Variants in IQCM observed in about 807,000 individuals in gnomAD.
The protein encoded by IQCM is IQ motif containing M.
A neutral mutation model predicts 57.6 loss-of-function variants in IQCM; 45 were observed. The observed-to-expected ratio is 0.78, with a 90% CI of 0.62 to 1.00. The LOEUF (loss-of-function observed/expected upper bound fraction) is 1.00, where lower values mean the gene tolerates loss of function less well. Among genes scored for constraint, IQCM ranks in the 50% least tolerant of loss-of-function variants. IQCM has a pLI of 0.00. For missense variants in IQCM, 468 were observed against 511.6 expected (o/e 0.91, Z 0.82); for synonymous variants, 148 against 158.9 (o/e 0.93, Z 0.51).
At chr4:149,487,210 G>T (rs1463917428) in intron 12 of IQCM, among the ~76,000 whole-genome samples, 1 of 152,072 alleles carries the variant, frequency 6.6e-6, no homozygotes, top group African/African-American at 2.4e-5. Context: ...TCCAGGGTGT[G>T]GCTAGAAATG....
At chr4:149,595,988 T>C (rs879646926) in intron 8 of IQCM, among the ~76,000 whole-genome samples, 1 of 152,166 alleles carries the variant, frequency 6.6e-6, no homozygotes, top group Admixed American at 6.6e-5. Context: ...TAGGAAAGAC[T>C]GGAGAAGATG....
intron 7 of IQCM, 47 bp downstream of exon 7, chr4:149,682,071 T>C: frequency 1.4e-6 from 1 of 725,514 alleles, no homozygotes; most frequent in Non-Finnish European, 1.9e-6. Context: ...GAATGCAAAA[T>C]AATGAAAATC....
chr4:149,660,279 G>T (rs1039225055), intron 7 of IQCM, among the ~76,000 whole-genome samples: 44 of 152,074 alleles, frequency 2.9e-4, no homozygotes, highest in Non-Finnish European at 4.9e-4. Context: ...AAACCACAAT[G>T]AGATACCACC....
At chr4:149,590,954 C>T (rs905766467) in intron 8 of IQCM, among the ~76,000 whole-genome samples, 7 of 151,958 alleles carry the variant, frequency 4.6e-5, no homozygotes, top group African/African-American at 1.4e-4. Context: ...TATCATCCTT[C>T]TTTAAAAACC....
intron 12 of IQCM, among the ~76,000 whole-genome samples, chr4:149,503,975 T>C (rs946447688): frequency 6.6e-6 from 1 of 152,008 alleles, no homozygotes; most frequent in African/African-American, 2.4e-5. Flanking sequence ...TTAAACAAAT[T>C]AGCAAATCAC....
chr4:149,762,227 A>T, intron 2 of IQCM, among the ~76,000 whole-genome samples: 1 of 151,608 alleles, frequency 6.6e-6, no homozygotes, highest in East Asian at 1.9e-4. Context: ...AGGCATGCTC[A>T]GTGATGAAAA....
chr4:149,412,328 A>G (rs2111179298), intron 13 of IQCM, among the ~76,000 whole-genome samples: 1 of 152,254 alleles, frequency 6.6e-6, no homozygotes, highest in South Asian at 2.1e-4. Flanking sequence ...TACTTAAATT[A>G]TAATATCTTT....
chr4:149,429,191 C>T (rs1734652118), intron 13 of IQCM, among the ~76,000 whole-genome samples: 1 of 151,696 alleles, frequency 6.6e-6, no homozygotes, highest in African/African-American at 2.4e-5. Context: ...AGGAGAGAAA[C>T]AAGTTGAGCA....
At chr4:149,513,101 T>C (rs1448585328) in intron 12 of IQCM, among the ~76,000 whole-genome samples, 3 of 152,160 alleles carry the variant, frequency 2.0e-5, no homozygotes, top group African/African-American at 7.2e-5. Flanking sequence ...AGAAAGAAAA[T>C]CTAGTCTCTT....
chr4:149,522,936 A>G (rs924990963), intron 12 of IQCM, among the ~76,000 whole-genome samples: 6 of 152,200 alleles, frequency 3.9e-5, no homozygotes, highest in Non-Finnish European at 5.9e-5. Flanking sequence ...ACTGAAAACT[A>G]TGATATCTTA....
intron 8 of IQCM, among the ~76,000 whole-genome samples, chr4:149,601,801 G>A (rs769947287): frequency 1.3e-5 from 2 of 152,064 alleles, no homozygotes; most frequent in Non-Finnish European, 2.9e-5. Flanking sequence ...GCTCATGCCT[G>A]TAATCCCAGC....
intron 7 of IQCM, among the ~76,000 whole-genome samples, chr4:149,654,234 C>T (rs1759440360): frequency 6.6e-6 from 1 of 152,110 alleles, no homozygotes; most frequent in Non-Finnish European, 1.5e-5. Flanking sequence ...TAAATATCTA[C>T]TGTATGATAT....
chr4:149,659,773 G>C (rs956898448), intron 7 of IQCM, among the ~76,000 whole-genome samples: 1 of 151,898 alleles, frequency 6.6e-6, no homozygotes, highest in African/African-American at 2.4e-5. Flanking sequence ...AAACTGGCTA[G>C]CCATATGTAG....
chr4:149,613,766 G>T (rs974999394), intron 8 of IQCM, among the ~76,000 whole-genome samples: 2 of 151,822 alleles, frequency 1.3e-5, no homozygotes, highest in African/African-American at 4.8e-5. Context: ...TTCCCTTCCC[G>T]TGTCCATGTG....
In IQCM at chr4:149,369,032, A is replaced by ACACG. The variant is rs369991334; in HGVS notation, c.1391-16967_1391-16966insCGTG. ...TACACGTGTATATATATATATATAC[A>ACACG]TGTGTATATATATATATGTATTTTT... On this transcript the variant is annotated intron_variant, in intron 13 of 13. Transcript: ENST00000636793. 3.0e-4 allele frequency among the ~76,000 whole-genome samples: 19 copies of ACACG among 63,072 alleles called. 3 individuals are homozygous for ACACG. The highest frequency in any genetic ancestry group is 4.5e-4 in the Non-Finnish European group (13 of 28,914). 41.4% of individuals were successfully genotyped at this position (63,072 alleles called of 152,430 possible).
At chr4:149,380,806 T>C (rs1041456205) in intron 13 of IQCM, among the ~76,000 whole-genome samples, 1 of 152,196 alleles carries the variant, frequency 6.6e-6, no homozygotes, top group Non-Finnish European at 1.5e-5. Flanking sequence ...TCAATTCCCA[T>C]GCAGCATAGT....
intron 8 of IQCM, among the ~76,000 whole-genome samples, chr4:149,591,726 G>C (rs1409890047): frequency 6.6e-6 from 1 of 152,066 alleles, no homozygotes; most frequent in Non-Finnish European, 1.5e-5. Flanking sequence ...CCTTGCGATA[G>C]TTTGCTGAGA....
At chr4:149,377,075 T>C (rs967907645) in intron 13 of IQCM, among the ~76,000 whole-genome samples, 5 of 152,148 alleles carry the variant, frequency 3.3e-5, no homozygotes, top group Non-Finnish European at 4.4e-5. Flanking sequence ...ACCATTCTTT[T>C]TCTCCAGAAT....
chr4:149,754,576 T>G (rs1399865131), intron 2 of IQCM, among the ~76,000 whole-genome samples: 1 of 152,238 alleles, frequency 6.6e-6, no homozygotes, highest in Non-Finnish European at 1.5e-5. Context: ...AACAGCATTT[T>G]ATGTATTTTA....
Sources: allele counts gnomAD v4.1 joint callset (sites outside exome capture counted in the v4.1 genomes callset), GRCh38; gene constraint gnomAD v4.1.1; transcripts MANE v1.5; gene names NCBI Gene and HGNC (gene_info 2026-07-23, HGNC 2026-07-21).